GLIS3: variants seen among roughly 807,000 people sequenced by gnomAD.
The protein encoded by GLIS3 is GLIS family zinc finger 3.
GLIS3 carries 53 observed loss-of-function variants against 78.6 expected under a neutral mutation model. That is an observed-to-expected ratio of 0.67 (90% confidence interval 0.54 to 0.85). GLIS3 has a LOEUF of 0.85. Among genes scored for constraint, GLIS3 ranks in the 40% least tolerant of loss-of-function variants. The pLI is 0.00. For missense variants in GLIS3, 1,703 were observed against 1,231.1 expected, an observed-to-expected ratio of 1.38 and a Z score of -5.74; for synonymous variants, 684 against 509.9, an observed-to-expected ratio of 1.34 and a Z score of -4.60.
chr9:4,468,712 G>T, the GLIS3 span, among the ~76,000 whole-genome samples: 3 of 152,170 alleles, frequency 2.0e-5, no homozygotes, highest in Non-Finnish European at 4.4e-5. Context: ...CTAATGCTAG[G>T]AAGAAACTGC....
intron 3 of GLIS3, chr9:4,123,927 G>C (rs1832378083): frequency 2.5e-6 from 1 of 394,358 alleles, no homozygotes; most frequent in Non-Finnish European, 4.5e-6. Context: ...AAACTGGACA[G>C]TTCATGCCCC....
the GLIS3 span, among the ~76,000 whole-genome samples, chr9:4,480,455 C>G: frequency 6.6e-6 from 1 of 152,080 alleles, no homozygotes; most frequent in Non-Finnish European, 1.5e-5. Context: ...CCCTTTATGG[C>G]CTCGCAAAGT....
At chr9:3,933,559 CA>C (rs1330396616) in intron 5 of GLIS3, among the ~76,000 whole-genome samples, 2 of 152,064 alleles carry the variant, frequency 1.3e-5, no homozygotes, top group African/African-American at 4.8e-5. Flanking sequence ...GTGTTTATAA[CA>C]TATATTAATA....
the GLIS3 span, among the ~76,000 whole-genome samples, chr9:4,422,967 A>C: frequency 6.6e-6 from 1 of 152,184 alleles, no homozygotes; most frequent in Non-Finnish European, 1.5e-5. Flanking sequence ...TTTTGGAGAA[A>C]GAAGCACATC....
intron 9 of GLIS3, among the ~76,000 whole-genome samples, chr9:3,836,245 T>C (rs997368301): frequency 2.0e-5 from 3 of 152,198 alleles, no homozygotes; most frequent in Admixed American, 6.5e-5. Context: ...AGAGGCAGAA[T>C]TGGCAGCCCC....
intron 4 of GLIS3, among the ~76,000 whole-genome samples, chr9:4,068,809 TGTGCATGCATGCATGC>T (rs1401438934): frequency 6.7e-6 from 1 of 150,242 alleles, no homozygotes; most frequent in African/African-American, 2.5e-5. Context: ...TGTTATTTTT[TGTGCATGCATGCATGC>T]ATGTATGCAT....
chr9:4,250,067 G>A (rs1043693256), intron 2 of GLIS3, among the ~76,000 whole-genome samples: 5 of 152,162 alleles, frequency 3.3e-5, no homozygotes, highest in African/African-American at 1.2e-4. Context: ...CAGGGATATT[G>A]GCCCGAAATT....
intron 2 of GLIS3, among the ~76,000 whole-genome samples, chr9:4,236,204 A>AAAAAAAAAAAAG (rs536737911): frequency 1.6e-3 from 139 of 86,362 alleles, no homozygotes; most frequent in African/African-American, 2.1e-3. Context: ...AAAAAAAAAA[A>AAAAAAAAAAAAG]AAAGAAAGAA....
At chr9:4,293,359 A>G (rs1322957686) in intron 1 of GLIS3, among the ~76,000 whole-genome samples, 2 of 152,224 alleles carry the variant, frequency 1.3e-5, no homozygotes. Context: ...ATTGCTTAAA[A>G]GTGACCGATG....
intron 2 of GLIS3, among the ~76,000 whole-genome samples, chr9:4,224,196 C>G (rs1414516886): frequency 1.3e-5 from 2 of 152,164 alleles, no homozygotes; most frequent in African/African-American, 4.8e-5. Flanking sequence ...AGCCTTCACT[C>G]AACTCCTATA....
intron 2 of GLIS3, among the ~76,000 whole-genome samples, chr9:4,251,501 G>A (rs1337767239): frequency 4.8e-5 from 7 of 147,210 alleles, no homozygotes; most frequent in South Asian, 4.3e-4. Context: ...GCCTATGTGT[G>A]TCTTTGCATG....
chr9:4,439,268 A>G, the GLIS3 span, among the ~76,000 whole-genome samples: 1 of 152,218 alleles, frequency 6.6e-6, no homozygotes, highest in South Asian at 2.1e-4. Flanking sequence ...TAATTCACGT[A>G]TCATACAATT....
At chr9:3,869,325 G>A (rs1025131868) in intron 8 of GLIS3, among the ~76,000 whole-genome samples, 4 of 151,894 alleles carry the variant, frequency 2.6e-5, no homozygotes, top group South Asian at 2.1e-4. Context: ...TACCAACATC[G>A]CTGATTACTC....
chr9:4,170,812 A>C (rs1199840152), intron 2 of GLIS3, among the ~76,000 whole-genome samples: 2 of 152,148 alleles, frequency 1.3e-5, no homozygotes, highest in Non-Finnish European at 2.9e-5. Flanking sequence ...TATTCAAAAC[A>C]CTTCCATTGT....
At chr9:3,858,782 C>G (rs1004113694) in intron 8 of GLIS3, among the ~76,000 whole-genome samples, 1 of 151,918 alleles carries the variant, frequency 6.6e-6, no homozygotes, top group Non-Finnish European at 1.5e-5. Flanking sequence ...CACAATTATC[C>G]AGACAATTGC....
At chr9:4,331,941 G>A (rs1040355487) in intron 2 of GLIS3, among the ~76,000 whole-genome samples, 1 of 152,180 alleles carries the variant, frequency 6.6e-6, no homozygotes, top group Non-Finnish European at 1.5e-5. Context: ...GGGTGGAATG[G>A]AAAGATACCA....
intron 4 of GLIS3, among the ~76,000 whole-genome samples, chr9:3,952,597 G>A (rs530260485): frequency 3.9e-5 from 6 of 152,224 alleles, no homozygotes; most frequent in East Asian, 1.9e-4. Context: ...TGCTCCATGC[G>A]TGAAAATTAC....
At chr9:3,991,972 G>A (rs566465204) in intron 4 of GLIS3, among the ~76,000 whole-genome samples, 6 of 152,168 alleles carry the variant, frequency 3.9e-5, no homozygotes, top group African/African-American at 9.7e-5. Flanking sequence ...TTACAGGCAT[G>A]AGCCACCCTG....
Position 3,849,208 on chromosome 9 carries a change from G to C in GLIS3, c.2473+6801C>G, listed in dbSNP as rs967125021. ...GGAAGAGATGGGAAAACATGGGGTAGTCTACCCCGACTTCCAAGGAAGGAT... is the reference window on the plus strand; with the variant it reads ...GGAAGAGATGGGAAAACATGGGGTACTCTACCCCGACTTCCAAGGAAGGAT... On this transcript the variant is annotated intron_variant, in intron 9 of 10. Transcript: ENST00000381971. Among the ~76,000 whole-genome samples, 3 of 152,188 alleles carry C rather than the reference G, an allele frequency of 2.0e-5. No homozygotes were observed. In the East Asian group the frequency reaches 5.8e-4, roughly 29 times the overall value.
Sources: gnomAD v4.1 joint callset for allele counts (sites outside exome capture counted in the v4.1 genomes callset) on GRCh38, gnomAD v4.1.1 for gene constraint, MANE v1.5 for transcripts, NCBI Gene and HGNC (gene_info 2026-07-23, HGNC 2026-07-21) for gene names.